The following CDH23 variants were observed in gnomAD, a reference collection of about 807,000 sequenced individuals.
CDH23 encodes the protein cadherin-23.
In CDH23, 189 loss-of-function variants were observed where a neutral mutation model predicts 317.1. The ratio of observed to expected loss-of-function variants is 0.60; its 90% confidence interval spans 0.53 to 0.67. CDH23 has a LOEUF of 0.67. Ranked by LOEUF, CDH23 falls within the 30% of genes least tolerant of loss-of-function variation. The pLI is 0.00. For synonymous variants in CDH23, 1,839 were observed against 1,876.8 expected (o/e 0.98, Z 0.52); for missense variants, 4,401 against 4,592.4 (o/e 0.96, Z 1.20).
Position 71,785,673 on chromosome 10 carries a change from A to T in CDH23, c.5755A>T (p.Ile1919Phe). 1 of 1,608,574 alleles carries T rather than the reference A, an allele frequency of 6.2e-7. No individual in the cohort carries two copies. The highest frequency in any genetic ancestry group is 1.1e-5 in the South Asian group (1 of 89,510). Residue 1919 changes from isoleucine to phenylalanine, a missense_variant, in exon 44 of 70, where the codon ATC becomes TTC. By Grantham distance (21) the Ile-to-Phe change is conservative. Transcript: ENST00000224721. ...GAACCGGCCCCTGGACCGCGAGCGG[A>T]TCCCAGAGTACAAGCTGACCATTTC... ...TVNRPLDRER[I>F]PEYKLTISVK...
At chr10:71,452,516 C>T (rs1850499033) in intron 3 of CDH23, among the ~76,000 whole-genome samples, 1 of 152,110 alleles carries the variant, frequency 6.6e-6, no homozygotes, top group Admixed American at 6.5e-5. Flanking sequence ...CCTTTCCCTT[C>T]CCTGCCTGGC....
chr10:71,413,899 A>G (rs1185432537), intron 1 of CDH23, among the ~76,000 whole-genome samples: 1 of 151,976 alleles, frequency 6.6e-6, no homozygotes, highest in East Asian at 1.9e-4. Context: ...ATTTCTAAAT[A>G]TTGTCTTCTT....
chr10:71,537,510 G>A (rs1442149410), intron 6 of CDH23, among the ~76,000 whole-genome samples: 1 of 152,232 alleles, frequency 6.6e-6, no homozygotes, highest in Non-Finnish European at 1.5e-5. Context: ...GTGCAGCCAG[G>A]AGTAGCTTGG....
chr10:71,403,391 CTTTCTTTCTTTCTTTCTCTT>C (rs1847909067), intron 1 of CDH23, among the ~76,000 whole-genome samples: 1 of 106,766 alleles, frequency 9.4e-6, no homozygotes, highest in Admixed American at 9.3e-5. Flanking sequence ...TTCTTTCTTT[CTTTCTTTCTTTCTTTCTCTT>C]CCTTCCTTCC....
chr10:71,480,760 T>A (rs1589122386), intron 3 of CDH23, among the ~76,000 whole-genome samples: 1 of 151,206 alleles, frequency 6.6e-6, no homozygotes, highest in East Asian at 2.0e-4. Flanking sequence ...GTAGGGAGAC[T>A]GGATGGGGGC....
chr10:71,455,977 A>G (rs549384577), intron 3 of CDH23, among the ~76,000 whole-genome samples: 2 of 152,208 alleles, frequency 1.3e-5, no homozygotes. Context: ...AGGGAATTCC[A>G]GGGTTTCTGT....
intron 3 of CDH23, among the ~76,000 whole-genome samples, chr10:71,449,145 C>T (rs1162064505): frequency 1.3e-5 from 2 of 152,204 alleles, no homozygotes; most frequent in Admixed American, 1.3e-4. Context: ...CCATGTGTGG[C>T]CCAGGGATGG....
intron 18 of CDH23, among the ~76,000 whole-genome samples, chr10:71,685,629 A>C (rs931026015): frequency 1.3e-5 from 2 of 152,182 alleles, no homozygotes; most frequent in Non-Finnish European, 1.5e-5. Context: ...CCATTTTCAA[A>C]TTCCCTCAAA....
At chr10:71,448,073 C>G (rs1850256550) in intron 3 of CDH23, among the ~76,000 whole-genome samples, 1 of 152,264 alleles carries the variant, frequency 6.6e-6, no homozygotes, top group Non-Finnish European at 1.5e-5. Flanking sequence ...ACTGACCCTG[C>G]TGCCGGCTGG....
chr10:71,633,453 G>A (rs1862115587), intron 11 of CDH23, among the ~76,000 whole-genome samples: 1 of 152,170 alleles, frequency 6.6e-6, no homozygotes, highest in Admixed American at 6.5e-5. Flanking sequence ...ATGTCAAGTA[G>A]GAGGAGCCCT....
intron 3 of CDH23, among the ~76,000 whole-genome samples, chr10:71,508,536 A>G (rs1021506135): frequency 2.0e-5 from 3 of 152,246 alleles, no homozygotes; most frequent in African/African-American, 4.8e-5. Flanking sequence ...ATTAGGGCTC[A>G]GAAATGTTTG....
In CDH23 at chr10:71,807,406, G is replaced by T. The variant is rs754107100; in HGVS notation, c.8308G>T (p.Ala2770Ser). The change falls in exon 58 of 70, where the codon GCC becomes TCC. Residue 2770 changes from alanine to serine, a missense_variant and splice_region_variant. Coordinates refer to ENST00000224721, the MANE Select transcript of CDH23 (RefSeq NM_022124.6). ...PNAIVYYFIA[A>S]GNEEKNFHLQ... ...CGCGATCGTGTACTACTTCATCGCA[G>T]GTGGGGCCAGACAGAGCTAGTGCCC... The T allele has an allele frequency of 6.2e-7, 1 of 1,613,912 alleles. No homozygotes were observed. The highest frequency in any genetic ancestry group is 8.5e-7 in the Non-Finnish European group (1 of 1,179,836).
At chr10:71,511,044 C>G in intron 5 of CDH23, 43 bp downstream of exon 5, 1 of 1,611,620 alleles carries the variant, frequency 6.2e-7, no homozygotes. Context: ...CCTGGGGTCA[C>G]AGGATTTCTG....
chr10:71,551,558 G>A (rs897312966), intron 6 of CDH23, among the ~76,000 whole-genome samples: 2 of 152,170 alleles, frequency 1.3e-5, no homozygotes, highest in Non-Finnish European at 2.9e-5. Context: ...GAGAAGGCTA[G>A]TTTGTTTCTT....
chr10:71,718,253 G>A (rs934057627), intron 28 of CDH23, among the ~76,000 whole-genome samples: 8 of 152,278 alleles, frequency 5.3e-5, no homozygotes, highest in South Asian at 2.1e-4. Flanking sequence ...TTCCCCACCC[G>A]AGGGACTCCT....
intron 14 of CDH23, among the ~76,000 whole-genome samples, chr10:71,649,844 G>T (rs1863080514): frequency 6.6e-6 from 1 of 152,210 alleles, no homozygotes; most frequent in South Asian, 2.1e-4. Context: ...TGTTAAGTAG[G>T]CGCTGTTATT....
chr10:71,581,905 C>T (rs886902176), intron 9 of CDH23, among the ~76,000 whole-genome samples: 3 of 152,234 alleles, frequency 2.0e-5, no homozygotes, highest in African/African-American at 7.2e-5. Flanking sequence ...CTCACCCCCC[C>T]AACAGAGCAC....
intron 1 of CDH23, among the ~76,000 whole-genome samples, chr10:71,427,470 G>A (rs1049910693): frequency 2.1e-4 from 32 of 152,136 alleles, no homozygotes; most frequent in Middle Eastern, 3.2e-3. Context: ...TGAGGCAGGC[G>A]TCAGTCTCCA....
intron 3 of CDH23, among the ~76,000 whole-genome samples, chr10:71,452,363 G>A (rs1039812925): frequency 8.5e-5 from 13 of 152,260 alleles, no homozygotes; most frequent in South Asian, 6.2e-4. Flanking sequence ...GAAGCCTCCC[G>A]AGTGCCTGCA....
Sources: gnomAD v4.1 joint callset for allele counts (sites outside exome capture counted in the v4.1 genomes callset) on GRCh38, gnomAD v4.1.1 for gene constraint, MANE v1.5 for transcripts, NCBI Gene and HGNC (gene_info 2026-07-23, HGNC 2026-07-21) for gene names.